UGT1A8: variants seen among roughly 807,000 people sequenced by gnomAD.
The protein encoded by UGT1A8 is UDP-glucuronosyltransferase 1A8.
Under a neutral mutation model 45.3 loss-of-function variants are expected in UGT1A8, and 39 were observed. The ratio of observed to expected loss-of-function variants is 0.86; its 90% CI spans 0.67 to 1.12. UGT1A8 has a LOEUF of 1.12. Ranked by LOEUF, UGT1A8 falls within the 50% of genes most tolerant of loss-of-function variation. UGT1A8 has a pLI of 0.00. For synonymous variants in UGT1A8, 275 were observed against 249.2 expected (o/e 1.10, Z -0.97); for missense variants, 719 against 664.9 (o/e 1.08, Z -0.90).
At chr2:233,647,696 A>G (rs2073639462) in intron 1 of UGT1A8, among the ~76,000 whole-genome samples, 1 of 152,156 alleles carries the variant, frequency 6.6e-6, no homozygotes, top group African/African-American at 2.4e-5. Context: ...CATGTTTCTT[A>G]TTGTTTTAAT....
At chr2:233,681,530 CAAAAAA>C (rs747693860) in intron 1 of UGT1A8, among the ~76,000 whole-genome samples, 1 of 77,710 alleles carries the variant, frequency 1.3e-5, no homozygotes. Context: ...GACTCCATCT[CAAAAAA>C]AAAAAAAAAA....
intron 1 of UGT1A8, among the ~76,000 whole-genome samples, chr2:233,715,001 C>T (rs1309641293): frequency 6.6e-6 from 1 of 152,178 alleles, no homozygotes; most frequent in South Asian, 2.1e-4. Flanking sequence ...CTCAGCCTCC[C>T]AAGTAGCTGG....
At chr2:233,743,050 C>T (rs577515653) in intron 1 of UGT1A8, 59 of 318,104 alleles carry the variant, frequency 1.9e-4, no homozygotes, top group South Asian at 1.5e-3. Flanking sequence ...CCGTGTAGTC[C>T]CAACGATAAG....
At chr2:233,743,600 C>A in intron 1 of UGT1A8, 2 of 1,367,332 alleles carry the variant, frequency 1.5e-6, no homozygotes, top group Non-Finnish European at 2.0e-6. Flanking sequence ...TGGGTCCTGG[C>A]CGCCGAAGAA....
intron 1 of UGT1A8, among the ~76,000 whole-genome samples, chr2:233,660,346 G>A (rs2073939206): frequency 6.6e-6 from 1 of 152,168 alleles, no homozygotes; most frequent in African/African-American, 2.4e-5. Flanking sequence ...AATTAGAGAT[G>A]ATGTTTGAGG....
intron 1 of UGT1A8, chr2:233,692,130 A>G (rs981265749): frequency 6.6e-6 from 1 of 152,188 alleles, no homozygotes; most frequent in Non-Finnish European, 1.5e-5. Context: ...CATGCCTACT[A>G]TGTATGGAAG....
intron 1 of UGT1A8, among the ~76,000 whole-genome samples, chr2:233,646,428 A>G (rs180989467): frequency 6.6e-5 from 10 of 152,118 alleles, no homozygotes; most frequent in Non-Finnish European, 1.0e-4. Context: ...TTTCTATCAC[A>G]TTTTCAGGCT....
At chr2:233,671,993 G>A in intron 1 of UGT1A8, 2 of 1,614,124 alleles carry the variant, frequency 1.2e-6, no homozygotes, top group Non-Finnish European at 1.7e-6. Context: ...CTGCTGACCT[G>A]TGGCTTTGCC....
chr2:233,683,225 TC>T lies in UGT1A8; in HGVS notation c.855+64664del, dbSNP rs2074623966. On this transcript the variant is annotated intron_variant, in intron 1 of 4. Coordinates refer to ENST00000373450, the MANE Select transcript of UGT1A8 (RefSeq NM_019076.5). ...TCACTTCTATTTTATCAATATAAAATCTACTATCATGCTGGCTATGTTTTTT... is the reference window on the plus strand; with the variant it reads ...TCACTTCTATTTTATCAATATAAAATTACTATCATGCTGGCTATGTTTTTT... Among the ~76,000 whole-genome samples, 3 of 152,174 alleles carry T rather than the reference TC, an allele frequency of 2.0e-5. No homozygotes were observed. In the South Asian group the frequency reaches 6.2e-4, roughly 31 times the overall value.
intron 1 of UGT1A8, among the ~76,000 whole-genome samples, chr2:233,627,725 T>A (rs2073115274): frequency 6.6e-6 from 1 of 151,342 alleles, no homozygotes; most frequent in Non-Finnish European, 1.5e-5. Context: ...CTTCATTTAT[T>A]TTGAAATGGC....
chr2:233,680,751 A>G (rs1160156063), intron 1 of UGT1A8, among the ~76,000 whole-genome samples: 5 of 152,156 alleles, frequency 3.3e-5, no homozygotes, highest in African/African-American at 1.2e-4. Flanking sequence ...GAAACAATAC[A>G]TAGATTCCTG....
chr2:233,671,782 T>G, intron 1 of UGT1A8: 2 of 1,403,528 alleles, frequency 1.4e-6, no homozygotes, highest in Non-Finnish European at 1.9e-6. Flanking sequence ...TCTTGTTCTT[T>G]TGGGTAAATC....
chr2:233,760,558 T>G, intron 1 of UGT1A8: 1 of 1,614,006 alleles, frequency 6.2e-7, no homozygotes, highest in Non-Finnish European at 8.5e-7. Context: ...TGTGAAAGAG[T>G]CTTTTGTTAG....
At chr2:233,728,309 T>C (rs1025928901) in intron 1 of UGT1A8, among the ~76,000 whole-genome samples, 4 of 152,178 alleles carry the variant, frequency 2.6e-5, no homozygotes, top group African/African-American at 9.6e-5. Flanking sequence ...CTGTGCAAGA[T>C]CTGAGGCCAG....
rs1699908035 is a variant in UGT1A8, at chr2:233,769,628, A to G, written c.1295+1189A>G. 6.2e-7 allele frequency: 1 copy of G among 1,611,940 alleles called. No individual in the cohort carries two copies. The highest frequency in any genetic ancestry group is 8.5e-7 in the Non-Finnish European group (1 of 1,179,468). Reference sequence around the variant, plus strand: ...GACACACCAGCTTGAGCAAGGGACAACAGGGGAGGACTGATGACTGACTTC... The same window carrying G: ...GACACACCAGCTTGAGCAAGGGACAGCAGGGGAGGACTGATGACTGACTTC... On this transcript the variant is annotated intron_variant, in intron 4 of 4. Transcript: ENST00000373450. This position sits in a 1 kb window ranked among gnomAD's most constrained non-coding sequence, Gnocchi z 4.4.
At chr2:233,712,628 C>T (rs1420773341) in intron 1 of UGT1A8, among the ~76,000 whole-genome samples, 2 of 152,178 alleles carry the variant, frequency 1.3e-5, no homozygotes, top group Non-Finnish European at 2.9e-5. Flanking sequence ...CTCCTCAGAC[C>T]TCAGCTGCAG....
intron 1 of UGT1A8, chr2:233,636,795 G>T: frequency 1.2e-6 from 2 of 1,614,174 alleles, no homozygotes; most frequent in Non-Finnish European, 1.7e-6. Flanking sequence ...GGGAATTCAT[G>T]GTTTTCGCCC....
chr2:233,697,453 T>G (rs2075391734), intron 1 of UGT1A8, among the ~76,000 whole-genome samples: 1 of 151,932 alleles, frequency 6.6e-6, no homozygotes, highest in Non-Finnish European at 1.5e-5. Context: ...TTTATCTGAG[T>G]GTTTTCTCTT....
intron 1 of UGT1A8, chr2:233,729,989 C>T (rs1412952740): frequency 6.2e-7 from 1 of 1,614,050 alleles, no homozygotes; most frequent in Non-Finnish European, 8.5e-7. Flanking sequence ...AAGCCACTAT[C>T]TCAGGTCTGT....
Sources: allele counts gnomAD v4.1 joint callset (sites outside exome capture counted in the v4.1 genomes callset), GRCh38; gene constraint gnomAD v4.1.1; non-coding constraint Gnocchi (gnomAD v3.1); transcripts MANE v1.5; gene names NCBI Gene and HGNC (gene_info 2026-07-23, HGNC 2026-07-21).